Variants in MCTP1 observed in about 807,000 individuals in gnomAD.
The protein encoded by MCTP1 is multiple C2 and transmembrane domain-containing protein 1.
Under a neutral mutation model 120.6 loss-of-function variants are expected in MCTP1, and 69 were observed. That is an observed-to-expected ratio of 0.57 (90% CI 0.47 to 0.70). MCTP1 has a LOEUF of 0.70. MCTP1 is among the 30% of genes least tolerant of loss of function. MCTP1 has a pLI of 0.00. For synonymous variants in MCTP1, 529 were observed against 493.1 expected (o/e 1.07, Z -0.96); for missense variants, 1,203 against 1,248.8 (o/e 0.96, Z 0.55).
intron 5 of MCTP1, among the ~76,000 whole-genome samples, chr5:94,936,097 G>A (rs1042311332): frequency 6.6e-6 from 1 of 151,738 alleles, no homozygotes; most frequent in East Asian, 1.9e-4. Context: ...CGAATTCCAT[G>A]GGAAGAGCAA....
intron 10 of MCTP1, among the ~76,000 whole-genome samples, chr5:94,905,793 T>A (rs1357164494): frequency 2.0e-5 from 3 of 152,148 alleles, no homozygotes; most frequent in Non-Finnish European, 2.9e-5. Context: ...GAATCTGGAA[T>A]GCAGAGAAGA....
chr5:95,100,039 C>T (rs867447777), intron 1 of MCTP1, among the ~76,000 whole-genome samples: 3,505 of 150,342 alleles, frequency 0.023, 104 homozygotes, highest in African/African-American at 0.078. Flanking sequence ...AACCAAACAC[C>T]GCATATTCTC....
intron 12 of MCTP1, among the ~76,000 whole-genome samples, chr5:94,874,631 G>A (rs943274689): frequency 3.9e-5 from 6 of 152,026 alleles, no homozygotes; most frequent in African/African-American, 1.4e-4. Flanking sequence ...TTCTGGCTTA[G>A]GATCTGTATT....
In MCTP1 at chr5:95,143,488, A is replaced by G. The variant is rs1311885869; in HGVS notation, c.721-126004T>C. Among the ~76,000 whole-genome samples the G allele has an allele frequency of 2.0e-5, 3 of 152,018 alleles. No individual in the cohort carries two copies. In the East Asian group the frequency reaches 5.8e-4, roughly 29 times the overall value. ...TTACCCGGGTATATTGTGTGATTCC[A>G]TGGTTTGGGGTACAGATGGTAGTAA... On this transcript the variant is annotated intron_variant, in intron 1 of 22. Coordinates refer to ENST00000515393, the MANE Select transcript of MCTP1 (RefSeq NM_024717.7).
At chr5:94,847,690 A>G (rs551296305) in intron 17 of MCTP1, among the ~76,000 whole-genome samples, 2,916 of 147,160 alleles carry the variant, frequency 0.02, 100 homozygotes, top group African/African-American at 0.067. Flanking sequence ...GTGTATATAT[A>G]TATATATATA....
intron 1 of MCTP1, among the ~76,000 whole-genome samples, chr5:95,031,357 GA>G (rs1238158943): frequency 2.0e-5 from 3 of 150,016 alleles, no homozygotes; most frequent in Non-Finnish European, 3.0e-5. Context: ...CAACATGAAA[GA>G]AAAAAAAATC....
chr5:94,968,676 C>A (rs1313117557), intron 2 of MCTP1, among the ~76,000 whole-genome samples: 1 of 152,182 alleles, frequency 6.6e-6, no homozygotes, highest in East Asian at 1.9e-4. Flanking sequence ...TGCAATATTG[C>A]ATAAAACCAC....
intron 6 of MCTP1, among the ~76,000 whole-genome samples, chr5:94,928,350 T>C (rs1813706430): frequency 6.6e-6 from 1 of 152,096 alleles, no homozygotes; most frequent in Non-Finnish European, 1.5e-5. Flanking sequence ...AAAATACACA[T>C]AAATCATCTC....
At chr5:94,760,980 C>T (rs1242036239) in intron 19 of MCTP1, among the ~76,000 whole-genome samples, 1 of 152,206 alleles carries the variant, frequency 6.6e-6, no homozygotes, top group Admixed American at 6.5e-5. Flanking sequence ...TCACCATGCC[C>T]AGCCCTATAA....
intron 1 of MCTP1, among the ~76,000 whole-genome samples, chr5:95,074,270 T>G (rs1319385277): frequency 6.6e-6 from 1 of 152,158 alleles, no homozygotes; most frequent in Non-Finnish European, 1.5e-5. Context: ...TCCCGTAAGG[T>G]GAAGGCCAAG....
intron 1 of MCTP1, among the ~76,000 whole-genome samples, chr5:95,168,095 G>A (rs1746677363): frequency 6.6e-6 from 1 of 152,202 alleles, no homozygotes; most frequent in Non-Finnish European, 1.5e-5. Flanking sequence ...AAGGGATCCA[G>A]TTTCAGCTTT....
intron 6 of MCTP1, among the ~76,000 whole-genome samples, chr5:94,924,554 A>G (rs953874689): frequency 3.3e-5 from 5 of 152,224 alleles, no homozygotes; most frequent in African/African-American, 1.2e-4. Flanking sequence ...ATAATTTTAA[A>G]AAGGAATGAA....
At chr5:94,826,618 T>A in intron 17 of MCTP1, 1 of 782,944 alleles carries the variant, frequency 1.3e-6, no homozygotes, top group Non-Finnish European at 2.2e-6. Context: ...TCTTCAGCTC[T>A]GCAAAATTCC....
At chr5:95,224,133 T>A (rs1753995248) in intron 1 of MCTP1, among the ~76,000 whole-genome samples, 1 of 152,206 alleles carries the variant, frequency 6.6e-6, no homozygotes, top group Non-Finnish European at 1.5e-5. Context: ...AAAGGGCATG[T>A]TACGGAATTT....
chr5:95,115,715 T>G (rs1424769475), intron 1 of MCTP1, among the ~76,000 whole-genome samples: 1 of 151,932 alleles, frequency 6.6e-6, no homozygotes, highest in Non-Finnish European at 1.5e-5. Flanking sequence ...GGTAGAAAGT[T>G]TATTCAAAGA....
intron 2 of MCTP1, among the ~76,000 whole-genome samples, chr5:94,971,037 T>C (rs1384774011): frequency 2.0e-5 from 3 of 152,124 alleles, no homozygotes; most frequent in Non-Finnish European, 2.9e-5. Flanking sequence ...GATTCTGCAG[T>C]CCCAGTACTC....
intron 1 of MCTP1, among the ~76,000 whole-genome samples, chr5:95,246,357 GC>G (rs1170791376): frequency 1.3e-5 from 2 of 152,062 alleles, no homozygotes; most frequent in Admixed American, 1.3e-4. Context: ...TGGACGAAAT[GC>G]CCCAATTAAA....
Position 94,954,188 on chromosome 5 carries a change from A to ATATATG in MCTP1, c.839-828_839-827insCATATA, listed in dbSNP as rs1462252899. ...TATATACATATATATATATGCATAT[A>ATATATG]TATATATATATATATATGCCATGGA... is the stretch of plus-strand genomic sequence containing the variant. On this transcript the variant is annotated intron_variant, in intron 2 of 22. Coordinates refer to ENST00000515393, the MANE Select transcript of MCTP1 (RefSeq NM_024717.7). 4.5e-5 allele frequency among the ~76,000 whole-genome samples: 6 copies of ATATATG among 132,888 alleles called. No homozygotes were observed. The East Asian group carries it at 1.1e-3, about 24-fold the overall frequency. The allele number at this position is 132,888 out of a possible 152,430, so 87.2% of individuals were successfully genotyped here.
At chr5:95,202,699 T>A (rs1751201102) in intron 1 of MCTP1, among the ~76,000 whole-genome samples, 1 of 152,180 alleles carries the variant, frequency 6.6e-6, no homozygotes, top group Non-Finnish European at 1.5e-5. Flanking sequence ...CTGAATTCTT[T>A]AAAAATCAAG....
Sources: gnomAD v4.1 joint callset for allele counts (sites outside exome capture counted in the v4.1 genomes callset) on GRCh38, gnomAD v4.1.1 for gene constraint, MANE v1.5 for transcripts, NCBI Gene and HGNC (gene_info 2026-07-23, HGNC 2026-07-21) for gene names.